Variants in PMEPA1 observed in about 807,000 individuals in gnomAD.
PMEPA1 encodes prostate transmembrane protein, androgen induced 1.
A neutral mutation model predicts 23.0 loss-of-function variants in PMEPA1; 11 were observed. The observed-to-expected ratio is 0.48, with a 90% CI of 0.30 to 0.79. The LOEUF is 0.79. Ranked by LOEUF, PMEPA1 falls within the 30% of genes least tolerant of loss-of-function variation. The probability of loss-of-function intolerance (pLI) is 0.06; values close to 1 mark genes in which losing one functional copy is unlikely to be tolerated. For synonymous variants in PMEPA1, 204 were observed against 166.4 expected (o/e 1.23, Z -1.74); for missense variants, 377 against 390.9 (o/e 0.96, Z 0.30).
intron 1 of PMEPA1, among the ~76,000 whole-genome samples, chr20:57,687,465 A>G (rs1364054624): frequency 1.3e-5 from 2 of 152,216 alleles, no homozygotes; most frequent in Admixed American, 6.5e-5. Context: ...ACATACCTAC[A>G]GCCACTCCCT....
chr20:57,653,987 C>T (rs2071290852), intron 2 of PMEPA1, among the ~76,000 whole-genome samples: 1 of 152,144 alleles, frequency 6.6e-6, no homozygotes, highest in South Asian at 2.1e-4. Flanking sequence ...GAGGAAAGTG[C>T]CCAAGGCGGC....
At chr20:57,684,808 A>G (rs1047358303) in intron 1 of PMEPA1, among the ~76,000 whole-genome samples, 2 of 152,008 alleles carry the variant, frequency 1.3e-5, no homozygotes, top group African/African-American at 4.8e-5. Flanking sequence ...ACATTGCCAC[A>G]AAAGGAGGAG....
chr20:57,708,296 G>A (rs1480405484), intron 1 of PMEPA1, among the ~76,000 whole-genome samples: 5 of 152,340 alleles, frequency 3.3e-5, no homozygotes, highest in Admixed American at 3.3e-4. Flanking sequence ...CTTCTTCAGG[G>A]TGGGGATGGG....
chr20:57,667,596 C>T (rs1227920010), intron 1 of PMEPA1, among the ~76,000 whole-genome samples: 4 of 152,176 alleles, frequency 2.6e-5, no homozygotes, highest in Admixed American at 2.6e-4. Context: ...GGGCAGCTGG[C>T]GTCCTTCCTG....
rs147858934 is a variant in PMEPA1 at position 57,663,079 on chromosome 20, G to A, written c.110-3382C>T. 1.5e-3 allele frequency among the ~76,000 whole-genome samples: 228 copies of A among 152,314 alleles called. 2 individuals are homozygous for A. Among genetic ancestry groups the A allele is most frequent in the African/African-American group, 5.0e-3 (209 of 41,562 alleles). On this transcript the variant is annotated intron_variant, in intron 1 of 3. Transcript: ENST00000341744. ...AAAAACGCTCCCAGAAATGAGCACC[G>A]GGCTCAGTAGCGCATAAGAGCGTCA... is the stretch of plus-strand genomic sequence containing the variant.
At chr20:57,708,559 G>A (rs2072119357) in intron 1 of PMEPA1, among the ~76,000 whole-genome samples, 2 of 152,144 alleles carry the variant, frequency 1.3e-5, no homozygotes, top group Non-Finnish European at 2.9e-5. Context: ...CCCTTATTTA[G>A]GGCCAGGCAG....
At chr20:57,668,836 T>C (rs1469509536) in intron 1 of PMEPA1, among the ~76,000 whole-genome samples, 2 of 152,218 alleles carry the variant, frequency 1.3e-5, no homozygotes, top group Non-Finnish European at 2.9e-5. Context: ...CCTGGAATGA[T>C]TTTTCCTCAA....
At chr20:57,701,076 G>A (rs994673793) in intron 1 of PMEPA1, among the ~76,000 whole-genome samples, 13 of 150,394 alleles carry the variant, frequency 8.6e-5, no homozygotes, top group Non-Finnish European at 1.8e-4. Flanking sequence ...AAAAAAAAAA[G>A]AGAAGAAAAT....
chr20:57,667,786 C>G (rs1044098783), intron 1 of PMEPA1, among the ~76,000 whole-genome samples: 1 of 152,190 alleles, frequency 6.6e-6, no homozygotes, highest in Non-Finnish European at 1.5e-5. Context: ...GGGGTTCCAG[C>G]CACTTCATTT....
In PMEPA1 at chr20:57,683,930, T is replaced by C. The variant is rs1429893497; in HGVS notation, c.110-24233A>G. 6.6e-6 allele frequency among the ~76,000 whole-genome samples: 1 copy of C among 151,722 alleles called. No homozygotes were observed. Among genetic ancestry groups the C allele is most frequent in the East Asian group, 1.9e-4 (1 of 5,180 alleles). On this transcript the variant is annotated intron_variant, in intron 1 of 3. Coordinates refer to ENST00000341744, the MANE Select transcript of PMEPA1 (RefSeq NM_020182.5). The surrounding 1 kb of genome is among the most constrained non-coding windows in gnomAD (Gnocchi z 4.3). ...GCCTGTGGGCTGTCTGTTTTGGGGG[T>C]AGAAATAAAAAGATCTGGCCAAGAA... is the stretch of plus-strand genomic sequence containing the variant.
chr20:57,652,729 CG>C lies in PMEPA1; in HGVS notation c.319-132del. On this transcript the variant is annotated intron_variant, in intron 3 of 3. Coordinates refer to ENST00000341744, the MANE Select transcript of PMEPA1 (RefSeq NM_020182.5). This position sits in a 1 kb window ranked among gnomAD's most constrained non-coding sequence, Gnocchi z 6.1. ...GAAAGGGAGAGGGCAGCAGGGCTGGCGGGGGCGGGAGCCCAGAGCCTGATCC... is the reference window on the plus strand; with the variant it reads ...GAAAGGGAGAGGGCAGCAGGGCTGGCGGGGCGGGAGCCCAGAGCCTGATCC... 1 of 876,602 alleles carries C rather than the reference CG, an allele frequency of 1.1e-6. No individual in the cohort carries two copies. The highest frequency in any genetic ancestry group is 1.7e-6 in the Non-Finnish European group (1 of 590,586). The allele number at this position is 876,602 out of a possible 1,614,324, so 54.3% of individuals were successfully genotyped here.
chr20:57,658,333 C>T (rs2071356540), intron 2 of PMEPA1, among the ~76,000 whole-genome samples: 1 of 152,202 alleles, frequency 6.6e-6, no homozygotes, highest in East Asian at 1.9e-4. Flanking sequence ...TGGTCCTGCA[C>T]AGCACGGCCT....
intron 1 of PMEPA1, among the ~76,000 whole-genome samples, chr20:57,665,854 G>A (rs893537448): frequency 6.6e-6 from 1 of 152,144 alleles, no homozygotes; most frequent in African/African-American, 2.4e-5. Context: ...TATTGGTGCC[G>A]CTTCATACAC....
chr20:57,692,032 T>C, intron 1 of PMEPA1, among the ~76,000 whole-genome samples: 1 of 152,186 alleles, frequency 6.6e-6, no homozygotes, highest in East Asian at 1.9e-4. Context: ...TTCTCCCTTT[T>C]CACGGGTAGG....
At chr20:57,664,157 C>G (rs991114483) in intron 1 of PMEPA1, among the ~76,000 whole-genome samples, 1 of 152,208 alleles carries the variant, frequency 6.6e-6, no homozygotes, top group Non-Finnish European at 1.5e-5. Flanking sequence ...CTGGCCCCAG[C>G]CGTGTTCCCA....
At chr20:57,703,134 G>C (rs1286567449) in intron 1 of PMEPA1, among the ~76,000 whole-genome samples, 1 of 152,252 alleles carries the variant, frequency 6.6e-6, no homozygotes, top group South Asian at 2.1e-4. Flanking sequence ...ACTCGGCACT[G>C]TCACAGCTTC....
upstream of PMEPA1, chr20:57,710,842 A>C: frequency 9.9e-6 from 2 of 201,208 alleles, no homozygotes; most frequent in Non-Finnish European, 9.9e-6. Context: ...AAAATATTAC[A>C]TAAGAGACCT....
At chr20:57,680,848 C>T (rs2071702618) in intron 1 of PMEPA1, among the ~76,000 whole-genome samples, 1 of 152,220 alleles carries the variant, frequency 6.6e-6, no homozygotes, top group Non-Finnish European at 1.5e-5. Context: ...ATGCCAGACA[C>T]ACAGGAGGCA....
chr20:57,700,333 T>A, intron 1 of PMEPA1: 2 of 351,212 alleles, frequency 5.7e-6, no homozygotes, highest in Non-Finnish European at 1.1e-5. Flanking sequence ...TTGATCTATT[T>A]GGTGCCAAGA....
Sources: allele counts gnomAD v4.1 joint callset (sites outside exome capture counted in the v4.1 genomes callset), GRCh38; gene constraint gnomAD v4.1.1; non-coding constraint Gnocchi (gnomAD v3.1); transcripts MANE v1.5; gene names NCBI Gene and HGNC (gene_info 2026-07-23, HGNC 2026-07-21).